Variants in TMCO5A observed in about 807,000 individuals in gnomAD.
TMCO5A encodes the protein transmembrane and coiled-coil domains 5A, also known as transmembrane and coiled-coil domain-containing protein 5A.
A neutral mutation model predicts 42.3 loss-of-function variants in TMCO5A; 34 were observed. That is an observed-to-expected ratio of 0.80 (90% CI 0.61 to 1.07). The LOEUF (loss-of-function observed/expected upper bound fraction) is 1.07. TMCO5A is among the 50% of genes least tolerant of loss of function. The pLI, the probability that TMCO5A is intolerant of heterozygous loss-of-function variation, is 0.00. For synonymous variants in TMCO5A, 131 were observed against 115.6 expected, an observed-to-expected ratio of 1.13 and a Z score of -0.86; for missense variants, 357 against 327.9, an observed-to-expected ratio of 1.09 and a Z score of -0.69.
At chr15:37,952,212 T>C (rs754311762), downstream of TMCO5A, among the ~76,000 whole-genome samples, 18 of 151,894 alleles carry the variant, frequency 1.2e-4, no homozygotes, top group Admixed American at 2.6e-4. Context: ...CCAGACACAG[T>C]GGACTTGGCA....
the TMCO5A span, among the ~76,000 whole-genome samples, chr15:38,021,627 C>T: frequency 3.9e-5 from 6 of 151,936 alleles, no homozygotes; most frequent in Non-Finnish European, 7.4e-5. Context: ...TAGCAGTGTT[C>T]CCCACAAGAA....
chr15:38,011,065 CTGTGTGACAAAACTTAGTTACTT>C, the TMCO5A span, among the ~76,000 whole-genome samples: 1 of 152,200 alleles, frequency 6.6e-6, no homozygotes, highest in Non-Finnish European at 1.5e-5. Flanking sequence ...GTATCTATTG[CTGTGTGACAAAACTTAGTTACTT>C]AAACAGCAAA....
chr15:37,976,813 T>TTTTTG, the TMCO5A span, among the ~76,000 whole-genome samples: 1 of 131,952 alleles, frequency 7.6e-6, no homozygotes, highest in Non-Finnish European at 1.5e-5. Flanking sequence ...TTTTTTTTTT[T>TTTTTG]GACAGAGTCT....
chr15:37,943,643 G>A (rs1889835598), intron 10 of TMCO5A: 1 of 464,078 alleles, frequency 2.2e-6, no homozygotes, highest in Non-Finnish European at 3.9e-6. Flanking sequence ...GAAGACCTAA[G>A]AGAACTCAGA....
the TMCO5A span, among the ~76,000 whole-genome samples, chr15:38,031,781 G>A: frequency 2.1e-4 from 32 of 152,124 alleles, no homozygotes; most frequent in Admixed American, 2.0e-3. Flanking sequence ...AATGATTACT[G>A]TCTTAAGCCA....
the TMCO5A span, among the ~76,000 whole-genome samples, chr15:38,029,374 C>CAA: frequency 2.0e-5 from 2 of 100,418 alleles, no homozygotes; most frequent in Non-Finnish European, 4.7e-5. Flanking sequence ...ACACCACACA[C>CAA]ACACACACAC....
chr15:37,956,376 A>G (rs116712451), downstream of TMCO5A, among the ~76,000 whole-genome samples: 2,441 of 152,252 alleles, frequency 0.016, 75 homozygotes, highest in African/African-American at 0.055. Flanking sequence ...AAAACAGAGA[A>G]TCAAATAGAC....
chr15:37,947,418 T>A (rs76650148), intron 10 of TMCO5A, among the ~76,000 whole-genome samples: 2,189 of 152,150 alleles, frequency 0.014, 63 homozygotes, highest in African/African-American at 0.05. Flanking sequence ...TTGGGCAACA[T>A]CCTTTGTCTT....
the TMCO5A span, among the ~76,000 whole-genome samples, chr15:37,982,243 C>T: frequency 6.6e-6 from 1 of 151,822 alleles, no homozygotes; most frequent in Non-Finnish European, 1.5e-5. Flanking sequence ...CATTTTAATC[C>T]ACCTTAAATC....
the TMCO5A span, among the ~76,000 whole-genome samples, chr15:37,976,036 G>T: frequency 6.7e-6 from 1 of 150,298 alleles, no homozygotes; most frequent in Non-Finnish European, 1.5e-5. Flanking sequence ...CTGAGGTCAG[G>T]AGTTTGCGAC....
the TMCO5A span, chr15:38,040,535 T>A: frequency 6.6e-6 from 1 of 152,066 alleles, no homozygotes; most frequent in Non-Finnish European, 1.5e-5. Flanking sequence ...AGCCAAAAGG[T>A]GGAAACAAGC....
exon 12 of TMCO5A, chr15:37,966,951 G>T (rs556493861): frequency 7.1e-5 from 28 of 395,556 alleles, no homozygotes; most frequent in African/African-American, 4.5e-4. Flanking sequence ...GGGGCTCAGT[G>T]CCTATGGAAG....
chr15:38,039,117 G>T, the TMCO5A span, among the ~76,000 whole-genome samples: 1 of 152,150 alleles, frequency 6.6e-6, no homozygotes, highest in Admixed American at 6.6e-5. Flanking sequence ...AAAAATGCAG[G>T]TTTTAATAGA....
the TMCO5A span, chr15:38,040,100 C>G: frequency 2.0e-5 from 3 of 152,268 alleles, no homozygotes; most frequent in African/African-American, 7.2e-5. Context: ...TGTACTTCAT[C>G]AAGGCACAAG....
At chr15:38,015,500 T>A in the TMCO5A span, among the ~76,000 whole-genome samples, 34 of 152,172 alleles carry the variant, frequency 2.2e-4, no homozygotes, top group Non-Finnish European at 3.7e-4. Flanking sequence ...GGCAGTTTCT[T>A]ACAAAACTAA....
chr15:37,977,545 G>A, the TMCO5A span, among the ~76,000 whole-genome samples: 1 of 152,218 alleles, frequency 6.6e-6, no homozygotes, highest in East Asian at 1.9e-4. Flanking sequence ...ATAGCCAGTA[G>A]ATACGCTCTT....
rs141746906 is a variant in TMCO5A, at chr15:37,937,110, G to A, written c.264+140G>A. The stretch of plus-strand genomic sequence containing the variant: ...AAGTCATGATAAAATTTGTCCATGC[G>A]TGGAAGGGGATGTGTCTGGCTTCTT... On this transcript the variant is annotated intron_variant, in intron 4 of 11. Coordinates refer to ENST00000319669, the MANE Select transcript of TMCO5A (RefSeq NM_152453.4). 3.7e-4 allele frequency: 500 copies of A among 1,360,680 alleles called. 3 individuals carry two copies. The East Asian group carries it at 8.9e-3, about 24-fold the overall frequency. The allele number at this position is 1,360,680 out of a possible 1,614,324, so 84.3% of individuals were successfully genotyped here. A position where few individuals can be genotyped will look rare whatever the true frequency, so the allele number is the denominator to read the frequency against.
the TMCO5A span, among the ~76,000 whole-genome samples, chr15:37,998,713 T>A: frequency 4.0e-4 from 60 of 151,258 alleles, no homozygotes; most frequent in Admixed American, 6.6e-4. Context: ...ATTTTAGGAT[T>A]TTTTTTTTAT....
chr15:37,941,156 T>G lies in TMCO5A; in HGVS notation c.395T>G (p.Leu132Ter), dbSNP rs771181972. Reference sequence around the variant, plus strand: ...CTCTTTTGCTTTCTTTAGGTTAAGTTACAACAGCTGGAAGCTTCCTATGCA... The same window carrying G: ...CTCTTTTGCTTTCTTTAGGTTAAGTGACAACAGCTGGAAGCTTCCTATGCA... ...DGALEETKVK[L>*]QQLEASYACQ... Residue 132 changes from leucine to a stop codon, truncating the protein, a stop_gained, in exon 7 of 12, where the codon TTA becomes TGA. Transcript: ENST00000319669. LOFTEE classifies it high-confidence loss of function. 6.2e-7 allele frequency: 1 copy of G among 1,613,198 alleles called. No individual in the cohort carries two copies. The highest frequency in any genetic ancestry group is 1.1e-5 in the South Asian group (1 of 91,048).
Sources: allele counts gnomAD v4.1 joint callset (sites outside exome capture counted in the v4.1 genomes callset), GRCh38; gene constraint gnomAD v4.1.1; transcripts MANE v1.5; gene names NCBI Gene and HGNC (gene_info 2026-07-23, HGNC 2026-07-21).